The following MICAL3 variants were observed in gnomAD, a reference collection of about 807,000 sequenced individuals.
MICAL3 encodes [F-actin]-monooxygenase MICAL3.
A neutral mutation model predicts 207.4 loss-of-function variants in MICAL3; 62 were observed. The observed-to-expected ratio is 0.30, with a 90% CI of 0.24 to 0.37. The LOEUF is 0.37. Ranked by LOEUF, MICAL3 falls within the 10% of genes least tolerant of loss-of-function variation. The pLI, the probability that MICAL3 is intolerant of heterozygous loss-of-function variation, is 1.00. For missense variants in MICAL3, 2,368 were observed against 2,635.6 expected (o/e 0.90, Z 2.22); for synonymous variants, 1,077 against 1,069.3 (o/e 1.01, Z -0.14).
At chr22:17,867,089 C>A (rs1927236433) in intron 17 of MICAL3, among the ~76,000 whole-genome samples, 1 of 152,180 alleles carries the variant, frequency 6.6e-6, no homozygotes, top group Non-Finnish European at 1.5e-5. Flanking sequence ...CTTCCCTTTC[C>A]CTTTCCCTGA....
At chr22:17,812,150 C>A (rs2062055537) in intron 27 of MICAL3, among the ~76,000 whole-genome samples, 1 of 152,232 alleles carries the variant, frequency 6.6e-6, no homozygotes, top group South Asian at 2.1e-4. Flanking sequence ...GTCCCCTGAA[C>A]AGTCAGTCCC....
chr22:17,888,540 C>T (rs947620013), intron 13 of MICAL3, among the ~76,000 whole-genome samples: 1 of 152,136 alleles, frequency 6.6e-6, no homozygotes, highest in East Asian at 1.9e-4. Context: ...AAAGGGACAT[C>T]GTTCTCCGGT....
In MICAL3 at chr22:17,880,930, C is replaced by T. The variant is rs931124654; in HGVS notation, c.2241+4948G>A. 3.3e-5 allele frequency among the ~76,000 whole-genome samples: 5 copies of T among 152,136 alleles called. No homozygotes were observed. In the South Asian group the frequency reaches 6.2e-4, roughly 19 times the overall value. Reference sequence around the variant, plus strand: ...TCAGGGCTCCTGGGCCTCGGATGCACGACAAACATCAATTACAGTTGAACT... The same window carrying T: ...TCAGGGCTCCTGGGCCTCGGATGCATGACAAACATCAATTACAGTTGAACT... On this transcript the variant is annotated intron_variant, in intron 16 of 31. Coordinates refer to ENST00000441493, the MANE Select transcript of MICAL3 (RefSeq NM_015241.3).
intron 22 of MICAL3, among the ~76,000 whole-genome samples, chr22:17,827,358 A>G (rs1337316887): frequency 1.3e-5 from 2 of 152,246 alleles, no homozygotes; most frequent in African/African-American, 4.8e-5. Context: ...GACCAGAAAC[A>G]TGAGAGAAAG....
chr22:17,944,122 G>C (rs750259079), intron 1 of MICAL3, among the ~76,000 whole-genome samples: 2 of 152,158 alleles, frequency 1.3e-5, no homozygotes, highest in East Asian at 1.9e-4. Context: ...ATGTGTGTGT[G>C]TGTTTTCAAA....
At chr22:17,909,379 G>A (rs1425627503) in intron 1 of MICAL3, among the ~76,000 whole-genome samples, 1 of 152,164 alleles carries the variant, frequency 6.6e-6, no homozygotes, top group Non-Finnish European at 1.5e-5. Flanking sequence ...ACAAAAATTA[G>A]CCAGGTGTGG....
intron 1 of MICAL3, among the ~76,000 whole-genome samples, chr22:17,978,385 G>A (rs556918244): frequency 6.6e-6 from 1 of 152,340 alleles, no homozygotes; most frequent in East Asian, 1.9e-4. Flanking sequence ...GCTCAGGAGA[G>A]GGGCTGGAGA....
rs10657913 is a variant in MICAL3 at position 17,950,166 on chromosome 22, A to ATTTTT, written c.-74-43285_-74-43281dup. 6.9e-5 allele frequency among the ~76,000 whole-genome samples: 10 copies of ATTTTT among 144,014 alleles called. No homozygotes were observed. The East Asian group carries it at 1.8e-3, about 26-fold the overall frequency. The allele number at this position is 144,014 out of a possible 152,430, so 94.5% of individuals were successfully genotyped here. ...GGTCATTCACAGGGTACAGCTGTCT[A>ATTTTT]TTTTTTTTTTTGGAGACAAGAGTCT... On this transcript the variant is annotated intron_variant, in intron 1 of 31. Coordinates refer to ENST00000441493, the MANE Select transcript of MICAL3 (RefSeq NM_015241.3).
chr22:18,003,960 G>A (rs77975546), intron 1 of MICAL3, among the ~76,000 whole-genome samples: 9,203 of 152,220 alleles, frequency 0.06, 1,009 homozygotes, highest in East Asian at 0.47. Flanking sequence ...AGTAGAGACA[G>A]GGTTTCGCCA....
chr22:18,005,392 G>T (rs1339839950), intron 1 of MICAL3: 5 of 152,154 alleles, frequency 3.3e-5, no homozygotes, highest in African/African-American at 1.2e-4. Flanking sequence ...TAGCAAGGCT[G>T]GTAAGTAACT....
At position 17,896,430 on chromosome 22, in the gene MICAL3, G is replaced by GT. The variant is rs1212271044; in HGVS notation, c.1207-70_1207-69insA. 14 of 1,000,290 alleles carry GT rather than the reference G, an allele frequency of 1.4e-5. No homozygotes were observed. In the Admixed American group the frequency reaches 3.0e-4, roughly 21 times the overall value. 62.0% of individuals were successfully genotyped at this position (1,000,290 alleles called of 1,614,324 possible). A position where few individuals can be genotyped will look rare whatever the true frequency, so the allele number is the denominator to read the frequency against. On this transcript the variant is annotated intron_variant, in intron 8 of 31. Transcript: ENST00000441493. ...TTTCAAAATGGGAAAAATAAACTAA[G>GT]GAACAAAGAGTTTGCTGTCGACAGT...
At chr22:17,871,748 G>A in intron 17 of MICAL3, 89 bp downstream of exon 17, 1 of 1,213,864 alleles carries the variant, frequency 8.2e-7, no homozygotes. Flanking sequence ...ATGGAATAAG[G>A]CAGGAAGGGG....
chr22:17,810,845 G>C, intron 27 of MICAL3, 32 bp from the exon 28 acceptor site: 1 of 1,561,628 alleles, frequency 6.4e-7, no homozygotes, highest in Non-Finnish European at 8.8e-7. Context: ...TCCTCAGTCA[G>C]GTGCACGGAG....
chr22:17,987,064 C>G (rs554461178), intron 1 of MICAL3, among the ~76,000 whole-genome samples: 1 of 151,762 alleles, frequency 6.6e-6, no homozygotes, highest in African/African-American at 2.4e-5. Flanking sequence ...ACAGCGAGAC[C>G]CCATCTCCAC....
intron 17 of MICAL3, among the ~76,000 whole-genome samples, chr22:17,867,726 C>A (rs189730637): frequency 1.1e-4 from 17 of 152,296 alleles, no homozygotes; most frequent in Admixed American, 7.2e-4. Context: ...AGGGAAGGGG[C>A]AGCCCTTCCC....
chr22:17,863,823 T>C (rs1926778373), intron 19 of MICAL3: 3 of 985,406 alleles, frequency 3.0e-6, no homozygotes, highest in Non-Finnish European at 2.4e-6. Context: ...GTAATTCTCT[T>C]GTCCCACCAT....
chr22:17,821,350 C>A, intron 25 of MICAL3, 77 bp downstream of exon 25: 1 of 1,337,232 alleles, frequency 7.5e-7, no homozygotes, highest in Non-Finnish European at 1.0e-6. Context: ...ACCATGGGCC[C>A]TGAAACAGAG....
In MICAL3 at chr22:17,822,038, T is replaced by C. The variant is rs186745892; in HGVS notation, c.3440A>G (p.Gln1147Arg). ...ATCAAAGACAGGCTCACCTCTCTCT[T>C]GGTGCTTCGGTGAGGCGGGCAGCTT... ...EEKLPASPKHQERGPSQATSP... is the reference protein window; with the variant it reads ...EEKLPASPKHRERGPSQATSP... Residue 1147 changes from glutamine to arginine, a missense_variant, in exon 24 of 32, where the codon CAA becomes CGA. Coordinates refer to ENST00000441493, the MANE Select transcript of MICAL3 (RefSeq NM_015241.3). 1.3e-3 allele frequency: 2,037 copies of C among 1,613,832 alleles called. 22 individuals are homozygous for C. The African/African-American group carries it at 0.025, about 20-fold the overall frequency.
intron 16 of MICAL3, chr22:17,875,465 G>A (rs1032750270): frequency 1.9e-6 from 3 of 1,567,454 alleles, no homozygotes; most frequent in African/African-American, 1.4e-5. Flanking sequence ...GGGAGTCGGA[G>A]GAGGGAGAGG....
Sources: allele counts gnomAD v4.1 joint callset (sites outside exome capture counted in the v4.1 genomes callset), GRCh38; gene constraint gnomAD v4.1.1; transcripts MANE v1.5; gene names NCBI Gene and HGNC (gene_info 2026-07-23, HGNC 2026-07-21).